The following BAZ2B variants were observed in gnomAD, a reference collection of about 807,000 sequenced individuals.
BAZ2B encodes the protein bromodomain adjacent to zinc finger domain 2B.
BAZ2B carries 91 observed loss-of-function variants against 246.0 expected under a neutral mutation model. That is an observed-to-expected ratio of 0.37 (90% confidence interval 0.31 to 0.44). The LOEUF is 0.44. Among genes scored for constraint, BAZ2B ranks in the 20% least tolerant of loss-of-function variants. The pLI, the probability that BAZ2B is intolerant of heterozygous loss-of-function variation, is 1.00. For missense variants in BAZ2B, 2,332 were observed against 2,533.7 expected, an observed-to-expected ratio of 0.92 and a Z score of 1.71; for synonymous variants, 855 against 860.0, an observed-to-expected ratio of 0.99 and a Z score of 0.10.
At chr2:159,316,350 T>A (rs1178833418), downstream of BAZ2B, among the ~76,000 whole-genome samples, 1 of 151,950 alleles carries the variant, frequency 6.6e-6, no homozygotes, top group Non-Finnish European at 1.5e-5. Flanking sequence ...GCAGATAAGA[T>A]TCTATTCATT....
chr2:159,357,939 C>T (rs148118812), intron 27 of BAZ2B, among the ~76,000 whole-genome samples: 3,571 of 152,270 alleles, frequency 0.023, 84 homozygotes, highest in Non-Finnish European at 0.04. Flanking sequence ...ACCACCAGGC[C>T]TGCCTTACAA....
At chr2:159,489,216 TAGAAGACATAA>T (rs927546494) in intron 2 of BAZ2B, among the ~76,000 whole-genome samples, 9 of 151,638 alleles carry the variant, frequency 5.9e-5, no homozygotes, top group African/African-American at 2.2e-4. Context: ...AGCAATGAAA[TAGAAGACATAA>T]AGAAAACTAA....
intron 1 of BAZ2B, among the ~76,000 whole-genome samples, chr2:159,577,723 C>G (rs1264319645): frequency 6.6e-6 from 1 of 152,142 alleles, no homozygotes; most frequent in Non-Finnish European, 1.5e-5. Context: ...AACGTATCTG[C>G]TTCAGTTTAG....
At chr2:159,379,828 T>C (rs568726372) in intron 25 of BAZ2B, among the ~76,000 whole-genome samples, 4 of 152,310 alleles carry the variant, frequency 2.6e-5, no homozygotes, top group South Asian at 4.1e-4. Context: ...GAGTTCTTTC[T>C]AGACTTCCTT....
the BAZ2B span, among the ~76,000 whole-genome samples, chr2:159,629,485 T>C: frequency 6.6e-6 from 1 of 152,196 alleles, no homozygotes; most frequent in Non-Finnish European, 1.5e-5. Context: ...CATGGAATAC[T>C]ATGCGGCCAT....
chr2:159,578,420 TACTTCTGTATA>T (rs149422807), intron 1 of BAZ2B, among the ~76,000 whole-genome samples: 9,680 of 152,108 alleles, frequency 0.064, 993 homozygotes, highest in African/African-American at 0.22. Flanking sequence ...GAACAGAAAA[TACTTCTGTATA>T]ACCCAATGTT....
intron 27 of BAZ2B, among the ~76,000 whole-genome samples, chr2:159,369,231 G>T (rs1448640037): frequency 1.3e-5 from 2 of 152,124 alleles, no homozygotes; most frequent in South Asian, 4.2e-4. Context: ...AAGAAAAGCA[G>T]ATTATTATTA....
chr2:159,449,854 G>C (rs1249303826), intron 4 of BAZ2B, among the ~76,000 whole-genome samples: 1 of 152,178 alleles, frequency 6.6e-6, no homozygotes, highest in Non-Finnish European at 1.5e-5. Context: ...TGAAAGCTAA[G>C]TTCTACCTAG....
intron 20 of BAZ2B, among the ~76,000 whole-genome samples, chr2:159,393,241 C>T (rs2063563577): frequency 6.6e-6 from 1 of 151,976 alleles, no homozygotes; most frequent in Admixed American, 6.6e-5. Flanking sequence ...ATGAGAGGCC[C>T]CTGGATAGTG....
At chr2:159,671,372 C>T in the BAZ2B span, among the ~76,000 whole-genome samples, 1 of 152,110 alleles carries the variant, frequency 6.6e-6, no homozygotes, top group Non-Finnish European at 1.5e-5. Context: ...CATATTAAGA[C>T]AGAAAATAAT....
At chr2:159,470,886 A>G (rs905008897) in intron 3 of BAZ2B, among the ~76,000 whole-genome samples, 1 of 152,138 alleles carries the variant, frequency 6.6e-6, no homozygotes, top group Non-Finnish European at 1.5e-5. Context: ...TGTAAAATGT[A>G]TATGTTCAGG....
chr2:159,545,218 T>C (rs2087169445), intron 2 of BAZ2B, among the ~76,000 whole-genome samples: 1 of 152,194 alleles, frequency 6.6e-6, no homozygotes, highest in Non-Finnish European at 1.5e-5. Context: ...TCCACTTCCC[T>C]GATGAACCAG....
chr2:159,416,373 T>G (rs960597291), intron 13 of BAZ2B, among the ~76,000 whole-genome samples: 1 of 152,188 alleles, frequency 6.6e-6, no homozygotes, highest in East Asian at 1.9e-4. Flanking sequence ...TAGTTTTATG[T>G]CAGGTTATGT....
the BAZ2B span, among the ~76,000 whole-genome samples, chr2:159,642,371 G>A: frequency 6.6e-6 from 1 of 151,522 alleles, no homozygotes; most frequent in African/African-American, 2.4e-5. Context: ...CCAAGTAGCT[G>A]GGATTATAGG....
chr2:159,524,095 C>G (rs1338857010), intron 2 of BAZ2B, among the ~76,000 whole-genome samples: 1 of 152,034 alleles, frequency 6.6e-6, no homozygotes, highest in African/African-American at 2.4e-5. Context: ...GCAGAGGAGG[C>G]CTTTCTTCAA....
intron 28 of BAZ2B, 136 bp from the exon 29 acceptor site, chr2:159,349,416 A>C: frequency 1.0e-6 from 1 of 973,436 alleles, no homozygotes; most frequent in Non-Finnish European, 1.5e-6. Flanking sequence ...AACAAAATAC[A>C]TTAGCAACAA....
At chr2:159,691,249 A>T in the BAZ2B span, among the ~76,000 whole-genome samples, 5 of 152,176 alleles carry the variant, frequency 3.3e-5, no homozygotes, top group African/African-American at 1.2e-4. Flanking sequence ...TTTTTGGAAT[A>T]CAGTTGACCC....
At chr2:159,639,150 C>T in the BAZ2B span, among the ~76,000 whole-genome samples, 1 of 151,828 alleles carries the variant, frequency 6.6e-6, no homozygotes, top group South Asian at 2.1e-4. Context: ...ACAACAACAA[C>T]AAAAACCACT....
chr2:159,424,850 A>G (rs2069489888), intron 13 of BAZ2B, among the ~76,000 whole-genome samples: 3 of 152,212 alleles, frequency 2.0e-5, no homozygotes, highest in Non-Finnish European at 4.4e-5. Flanking sequence ...TTGTTACATC[A>G]TATTGTTTAG....
Sources: allele counts gnomAD v4.1 joint callset (sites outside exome capture counted in the v4.1 genomes callset), GRCh38; gene constraint gnomAD v4.1.1; transcripts MANE v1.5; gene names NCBI Gene and HGNC (gene_info 2026-07-23, HGNC 2026-07-21).